MIPOL1: variants seen among roughly 807,000 people sequenced by gnomAD.
MIPOL1 encodes the protein mirror-image polydactyly gene 1 protein.
Under a neutral mutation model 60.9 loss-of-function variants are expected in MIPOL1, and 57 were observed. The ratio of observed to expected loss-of-function variants is 0.94; its 90% CI spans 0.76 to 1.17. The LOEUF (loss-of-function observed/expected upper bound fraction) is 1.17, where lower values mean the gene tolerates loss of function less well. Among genes scored for constraint, MIPOL1 ranks in the 50% most tolerant of loss-of-function variants. The probability of loss-of-function intolerance (pLI) is 0.00; values close to 1 mark genes in which losing one functional copy is unlikely to be tolerated. For synonymous variants in MIPOL1, 179 were observed against 168.8 expected (o/e 1.06, Z -0.47); for missense variants, 551 against 511.6 (o/e 1.08, Z -0.74).
chr14:37,346,541 T>G (rs2090958989), intron 9 of MIPOL1, among the ~76,000 whole-genome samples: 1 of 152,170 alleles, frequency 6.6e-6, no homozygotes. Flanking sequence ...AAAATTGGCC[T>G]GAAAGTCCCC....
chr14:37,330,452 T>TATAA (rs2089572616), intron 9 of MIPOL1, among the ~76,000 whole-genome samples: 1 of 152,164 alleles, frequency 6.6e-6, no homozygotes, highest in Non-Finnish European at 1.5e-5. Context: ...AACATAATTC[T>TATAA]AATTTAACTT....
intron 1 of MIPOL1, among the ~76,000 whole-genome samples, chr14:37,204,714 G>A (rs992123164): frequency 2.6e-5 from 4 of 152,060 alleles, no homozygotes; most frequent in Non-Finnish European, 4.4e-5. Context: ...TATTAGCAGC[G>A]TGAAAACGGA....
At chr14:37,499,765 A>T (rs1181508315) in intron 11 of MIPOL1, 143 bp from the exon 12 acceptor site, 9 of 478,252 alleles carry the variant, frequency 1.9e-5, no homozygotes, top group Non-Finnish European at 3.0e-5. Context: ...TAATGTTGTG[A>T]CATAAAAATT....
chr14:37,483,016 C>T (rs2094894417), intron 11 of MIPOL1, among the ~76,000 whole-genome samples: 2 of 151,866 alleles, frequency 1.3e-5, no homozygotes, highest in Admixed American at 1.3e-4. Flanking sequence ...TAGCTTATAC[C>T]TAACACAATG....
chr14:37,392,233 C>T lies in MIPOL1; in HGVS notation c.936+22609C>T, dbSNP rs905157255. ...ATGTGTCTCCAGTTATTTAGGTCTTCTTTGATTTATTTAATAAACATTCTG... is the reference window on the plus strand; with the variant it reads ...ATGTGTCTCCAGTTATTTAGGTCTTTTTTGATTTATTTAATAAACATTCTG... On this transcript the variant is annotated intron_variant, in intron 10 of 12. Coordinates refer to ENST00000684589, the MANE Select transcript of MIPOL1 (RefSeq NM_001388067.1). Among the ~76,000 whole-genome samples, 4 of 13,464 alleles carry T rather than the reference C, an allele frequency of 3.0e-4. No homozygotes were observed. The Admixed American group carries it at 5.3e-3, about 18-fold the overall frequency. 8.8% of individuals were successfully genotyped at this position (13,464 alleles called of 152,430 possible).
intron 12 of MIPOL1, among the ~76,000 whole-genome samples, chr14:37,513,868 A>G (rs1455352786): frequency 1.3e-5 from 2 of 152,144 alleles, no homozygotes; most frequent in African/African-American, 2.4e-5. Context: ...GATGAACACA[A>G]TAGAGAGGAA....
intron 9 of MIPOL1, among the ~76,000 whole-genome samples, chr14:37,316,063 G>A (rs763114575): frequency 6.7e-6 from 1 of 148,824 alleles, no homozygotes; most frequent in East Asian, 2.0e-4. Context: ...ATCTTGCTCT[G>A]TTGCCCAAGC....
rs567132580 is a variant in MIPOL1 at position 37,314,854 on chromosome 14, A to G, written c.828+6335A>G. Among the ~76,000 whole-genome samples the G allele has an allele frequency of 6.4e-4, 97 of 152,302 alleles. No homozygotes were observed. In the South Asian group the frequency reaches 0.02, roughly 31 times the overall value. On this transcript the variant is annotated intron_variant, in intron 9 of 12. Transcript: ENST00000684589. ...TGAACTTGGCTATTTTAGATATTTC[A>G]AGATACATGAAACTAAAAGCATTTA...
intron 11 of MIPOL1, among the ~76,000 whole-genome samples, chr14:37,479,081 ATT>A (rs962662884): frequency 6.6e-6 from 1 of 151,206 alleles, no homozygotes. Flanking sequence ...ATACCACTTT[ATT>A]TTTTTTTGTT....
intron 12 of MIPOL1, among the ~76,000 whole-genome samples, chr14:37,543,046 A>T (rs2095535561): frequency 6.6e-6 from 1 of 152,024 alleles, no homozygotes; most frequent in African/African-American, 2.4e-5. Flanking sequence ...CCTCTCCATT[A>T]TCTTGATTAG....
Position 37,234,942 on chromosome 14 carries a change from A to ATT in MIPOL1, c.-198-12140_-198-12139dup, listed in dbSNP as rs5807941. 5.6e-3 allele frequency among the ~76,000 whole-genome samples: 654 copies of ATT among 116,820 alleles called. 10 individuals are homozygous for ATT. Among genetic ancestry groups the ATT allele is most frequent in the South Asian group, 0.028 (92 of 3,294 alleles). The allele number at this position is 116,820 out of a possible 152,430, so 76.6% of individuals were successfully genotyped here. ...AGGCGCCCACCACCACGTACGGCTA[A>ATT]TTTTTTTTTTTTTTTTTTTTTTGTA... On this transcript the variant is annotated intron_variant, in intron 1 of 12. Transcript: ENST00000684589.
intron 9 of MIPOL1, among the ~76,000 whole-genome samples, chr14:37,363,298 G>T (rs1008128990): frequency 4.6e-5 from 7 of 152,150 alleles, no homozygotes; most frequent in African/African-American, 1.7e-4. Context: ...GGGTTTTGGT[G>T]TAGGTGTCCT....
chr14:37,205,579 C>G (rs536395128), intron 1 of MIPOL1, among the ~76,000 whole-genome samples: 1 of 152,182 alleles, frequency 6.6e-6, no homozygotes, highest in South Asian at 2.1e-4. Context: ...ATCAACTCAT[C>G]ATTTACATTG....
chr14:37,467,958 G>A (rs1038280047), intron 11 of MIPOL1, among the ~76,000 whole-genome samples: 1 of 151,494 alleles, frequency 6.6e-6, no homozygotes, highest in African/African-American at 2.4e-5. Flanking sequence ...GGAGGCTGAG[G>A]CAGGAGAATC....
At chr14:37,392,878 G>C (rs1038627799) in intron 10 of MIPOL1, among the ~76,000 whole-genome samples, 1 of 152,168 alleles carries the variant, frequency 6.6e-6, no homozygotes, top group African/African-American at 2.4e-5. Flanking sequence ...GTAGTGGTTA[G>C]AATTGTGTGC....
At chr14:37,345,126 C>A (rs961499347) in intron 9 of MIPOL1, among the ~76,000 whole-genome samples, 1 of 151,850 alleles carries the variant, frequency 6.6e-6, no homozygotes, top group Non-Finnish European at 1.5e-5. Flanking sequence ...GAGGCAGGGT[C>A]TTGCTTTGTC....
intron 11 of MIPOL1, among the ~76,000 whole-genome samples, chr14:37,476,992 C>T (rs2094786859): frequency 6.6e-6 from 1 of 150,968 alleles, no homozygotes; most frequent in Non-Finnish European, 1.5e-5. Flanking sequence ...CCTCCTCCTC[C>T]CAGGTTCCAG....
At chr14:37,523,137 T>C (rs2095425079) in intron 12 of MIPOL1, among the ~76,000 whole-genome samples, 1 of 152,194 alleles carries the variant, frequency 6.6e-6, no homozygotes, top group African/African-American at 2.4e-5. Context: ...ACCTTGCTTA[T>C]GGCTTAATGA....
At chr14:37,278,341 A>G (rs2083831817) in intron 6 of MIPOL1, 1 of 151,654 alleles carries the variant, frequency 6.6e-6, no homozygotes, top group South Asian at 2.1e-4. Context: ...GTAGTTCTAG[A>G]ATATATATGT....
Sources: allele counts gnomAD v4.1 joint callset (sites outside exome capture counted in the v4.1 genomes callset), GRCh38; gene constraint gnomAD v4.1.1; transcripts MANE v1.5; gene names NCBI Gene and HGNC (gene_info 2026-07-23, HGNC 2026-07-21).